Variants in RASEF observed in about 807,000 individuals in gnomAD.
RASEF encodes the protein RAS and EF-hand domain containing, also known as ras and EF-hand domain-containing protein.
In RASEF, 68 loss-of-function variants were observed where a neutral mutation model predicts 90.1. That is an observed-to-expected ratio of 0.75 (90% CI 0.62 to 0.92). The LOEUF is 0.92. Among genes scored for constraint, RASEF ranks in the 40% least tolerant of loss-of-function variants. RASEF has a pLI of 0.00. For missense variants in RASEF, 949 were observed against 937.2 expected (o/e 1.01, Z -0.16); for synonymous variants, 331 against 345.2 (o/e 0.96, Z 0.46).
At chr9:82,988,238 T>C (rs1828745596) in intron 16 of RASEF, among the ~76,000 whole-genome samples, 1 of 152,242 alleles carries the variant, frequency 6.6e-6, no homozygotes, top group Admixed American at 6.5e-5. Context: ...TGTAGCTTGT[T>C]GAGCCAAAAT....
At chr9:83,099,052 T>G in the RASEF span, among the ~76,000 whole-genome samples, 11 of 152,196 alleles carry the variant, frequency 7.2e-5, no homozygotes, top group Non-Finnish European at 1.6e-4. Context: ...AATCAAATCC[T>G]CTATATCCTT....
the RASEF span, among the ~76,000 whole-genome samples, chr9:83,128,463 C>CA: frequency 7.6e-6 from 1 of 132,428 alleles, no homozygotes; most frequent in Non-Finnish European, 1.6e-5. Context: ...TTGTTTTAGC[C>CA]TTTTTTTTTT....
intron 1 of RASEF, among the ~76,000 whole-genome samples, chr9:83,052,021 T>G (rs1471252958): frequency 2.0e-5 from 2 of 100,022 alleles, no homozygotes; most frequent in Admixed American, 1.0e-4. Flanking sequence ...TGGTTGTGTC[T>G]CTGCCCGGCT....
At chr9:83,087,405 T>TCTCTCTC in the RASEF span, among the ~76,000 whole-genome samples, 1 of 115,532 alleles carries the variant, frequency 8.7e-6, no homozygotes, top group African/African-American at 3.3e-5. Flanking sequence ...TTCTCATTCA[T>TCTCTCTC]TCTCTCTCTC....
rs1323436770 is a variant in RASEF, at chr9:83,062,715, G to T, written c.153C>A (p.Phe51Leu). The change falls in exon 1 of 17, where the codon TTC becomes TTA. Residue 51 changes from phenylalanine (F) to leucine (L), a missense_variant. Physicochemically the swap from Phe to Leu is conservative, Grantham distance 22. This residue lies in a region of RASEF where 656 missense variants were observed against 592.2 expected (regional missense o/e 1.11). Coordinates refer to ENST00000376447, the MANE Select transcript of RASEF (RefSeq NM_152573.4). ...RVRPADAEAV[F>L]QRLDADRDGA... ...CGTCACGGTCGGCGTCCAGCCGCTG[G>T]AATACTGCCTCGGCGTCGGCCGGCC... is the stretch of plus-strand genomic sequence containing the variant. 1 of 1,579,168 alleles carries T rather than the reference G, an allele frequency of 6.3e-7. No homozygotes were observed.
chr9:83,217,802 G>A, the RASEF span, among the ~76,000 whole-genome samples: 3 of 152,242 alleles, frequency 2.0e-5, no homozygotes, highest in Admixed American at 2.0e-4. Flanking sequence ...GTTGGGGGGT[G>A]GGGAAGTGGG....
At chr9:83,067,492 A>G (rs1830291396), upstream of RASEF, among the ~76,000 whole-genome samples, 1 of 152,164 alleles carries the variant, frequency 6.6e-6, no homozygotes, top group African/African-American at 2.4e-5. Context: ...ATCCTATCCT[A>G]TTTGCCTCAG....
the RASEF span, among the ~76,000 whole-genome samples, chr9:83,129,930 T>C: frequency 6.6e-6 from 1 of 152,238 alleles, no homozygotes; most frequent in African/African-American, 2.4e-5. Flanking sequence ...TTTATTTTGT[T>C]ATAGGAATGA....
At chr9:82,987,426 A>G (rs1044361758) in intron 16 of RASEF, among the ~76,000 whole-genome samples, 5 of 152,220 alleles carry the variant, frequency 3.3e-5, no homozygotes, top group African/African-American at 1.2e-4. Context: ...TAACCTATCC[A>G]TTATGCAGCT....
intron 1 of RASEF, among the ~76,000 whole-genome samples, chr9:83,028,126 A>G (rs537229145): frequency 6.6e-6 from 1 of 152,354 alleles, no homozygotes; most frequent in East Asian, 1.9e-4. Context: ...CCAGCATCAA[A>G]TAATTCTATC....
intron 3 of RASEF, among the ~76,000 whole-genome samples, chr9:83,018,542 T>C (rs887684256): frequency 6.6e-6 from 1 of 152,054 alleles, no homozygotes; most frequent in African/African-American, 2.4e-5. Flanking sequence ...TCAAACTCCC[T>C]GCAGACTTTT....
At chr9:83,084,962 G>A in the RASEF span, among the ~76,000 whole-genome samples, 1 of 152,108 alleles carries the variant, frequency 6.6e-6, no homozygotes, top group African/African-American at 2.4e-5. Flanking sequence ...AATGACAGGA[G>A]CTGCATTGCT....
At chr9:83,039,028 GT>G (rs1461613889) in intron 1 of RASEF, among the ~76,000 whole-genome samples, 4 of 151,988 alleles carry the variant, frequency 2.6e-5, no homozygotes, top group African/African-American at 4.8e-5. Flanking sequence ...TGGTTTTTTT[GT>G]TTTGTTTTTT....
intron 1 of RASEF, among the ~76,000 whole-genome samples, chr9:83,043,261 T>C (rs530766778): frequency 1.3e-5 from 2 of 152,180 alleles, no homozygotes; most frequent in Admixed American, 6.5e-5. Context: ...TCAGTGAAAA[T>C]AAAAGTTTTA....
chr9:83,040,321 G>C (rs1389892797), intron 1 of RASEF, among the ~76,000 whole-genome samples: 2 of 151,972 alleles, frequency 1.3e-5, no homozygotes, highest in Non-Finnish European at 2.9e-5. Context: ...AATATATTTT[G>C]AATATACTTC....
At chr9:83,028,765 T>A (rs1296140993) in intron 1 of RASEF, among the ~76,000 whole-genome samples, 1 of 152,238 alleles carries the variant, frequency 6.6e-6, no homozygotes, top group African/African-American at 2.4e-5. Flanking sequence ...CACAACATCA[T>A]GAAGTACCTT....
the RASEF span, among the ~76,000 whole-genome samples, chr9:83,174,415 T>C: frequency 8.5e-5 from 13 of 152,286 alleles, no homozygotes; most frequent in African/African-American, 2.9e-4. Context: ...CTATTCTTTC[T>C]TCATTGAATT....
intron 1 of RASEF, among the ~76,000 whole-genome samples, chr9:83,040,550 G>T (rs1265980883): frequency 2.6e-5 from 4 of 152,024 alleles, no homozygotes; most frequent in African/African-American, 4.8e-5. Context: ...ACAGAATCAT[G>T]AATACCAGTA....
chr9:83,180,288 A>T, the RASEF span, among the ~76,000 whole-genome samples: 1 of 152,162 alleles, frequency 6.6e-6, no homozygotes, highest in African/African-American at 2.4e-5. Flanking sequence ...GGAATCAAAC[A>T]AAAAATTAAA....
Sources: gnomAD v4.1 joint callset for allele counts (sites outside exome capture counted in the v4.1 genomes callset) on GRCh38, gnomAD v4.1.1 for gene constraint, gnomAD v4.1.1 regional missense constraint, MANE v1.5 for transcripts, NCBI Gene and HGNC (gene_info 2026-07-23, HGNC 2026-07-21) for gene names.